SYT1: variants seen among roughly 807,000 people sequenced by gnomAD.
SYT1 encodes the protein synaptotagmin-1.
Under a neutral mutation model 44.8 loss-of-function variants are expected in SYT1, and 8 were observed. That is an observed-to-expected ratio of 0.18 (90% CI 0.10 to 0.32). The LOEUF (loss-of-function observed/expected upper bound fraction) is 0.32, where lower values mean the gene tolerates loss of function less well. Among genes scored for constraint, SYT1 ranks in the 10% least tolerant of loss-of-function variants. The pLI is 1.00. For synonymous variants in SYT1, 154 were observed against 188.8 expected (o/e 0.82, Z 1.51); for missense variants, 286 against 509.3 (o/e 0.56, Z 4.22).
chr12:79,388,665 C>T (rs948808801), intron 9 of SYT1, among the ~76,000 whole-genome samples: 11 of 152,090 alleles, frequency 7.2e-5, no homozygotes, highest in Non-Finnish European at 1.2e-4. Flanking sequence ...GAGCCAGGAT[C>T]GTACCACTGC....
At chr12:79,012,498 T>G (rs577015409) in intron 2 of SYT1, among the ~76,000 whole-genome samples, 2 of 152,298 alleles carry the variant, frequency 1.3e-5, no homozygotes, top group South Asian at 4.1e-4. Flanking sequence ...GGCAAACACT[T>G]CTTTGTTCAC....
chr12:79,078,540 T>G (rs919905802), intron 3 of SYT1, among the ~76,000 whole-genome samples: 4 of 152,144 alleles, frequency 2.6e-5, no homozygotes, highest in African/African-American at 9.7e-5. Context: ...GTTTTTTTCT[T>G]CAACTTTTAA....
intron 9 of SYT1, among the ~76,000 whole-genome samples, chr12:79,401,741 C>G (rs995951803): frequency 4.0e-5 from 6 of 151,038 alleles, no homozygotes; most frequent in African/African-American, 1.5e-4. Flanking sequence ...ACAGTCATAG[C>G]TCACTGTAGC....
chr12:78,883,865 T>C (rs1874593515), intron 1 of SYT1, among the ~76,000 whole-genome samples: 1 of 151,796 alleles, frequency 6.6e-6, no homozygotes, highest in South Asian at 2.1e-4. Flanking sequence ...TGTAAATATA[T>C]TCAATGTATA....
At chr12:78,881,436 G>A (rs113073277) in intron 1 of SYT1, among the ~76,000 whole-genome samples, 18 of 151,646 alleles carry the variant, frequency 1.2e-4, no homozygotes, top group Non-Finnish European at 1.9e-4. Flanking sequence ...TTTTGAACTC[G>A]CTGGGTTTAA....
At chr12:79,052,059 G>T (rs1461544003) in intron 3 of SYT1, among the ~76,000 whole-genome samples, 1 of 152,056 alleles carries the variant, frequency 6.6e-6, no homozygotes, top group Non-Finnish European at 1.5e-5. Context: ...TTCCAATTCT[G>T]TGAAGAAAGT....
At chr12:79,201,315 A>T (rs1336388169) in intron 3 of SYT1, among the ~76,000 whole-genome samples, 1 of 152,176 alleles carries the variant, frequency 6.6e-6, no homozygotes, top group African/African-American at 2.4e-5. Flanking sequence ...AGCAGCTATG[A>T]TTTTATTTAA....
chr12:79,145,233 ATATAT>A (rs1212795345), intron 3 of SYT1, among the ~76,000 whole-genome samples: 3 of 152,258 alleles, frequency 2.0e-5, no homozygotes, highest in East Asian at 1.9e-4. Flanking sequence ...ATGCTTAATA[ATATAT>A]TATCTAATTT....
chr12:79,209,569 G>A (rs1301680652), intron 3 of SYT1, among the ~76,000 whole-genome samples: 1 of 152,204 alleles, frequency 6.6e-6, no homozygotes, highest in Non-Finnish European at 1.5e-5. Flanking sequence ...TTGTGTGAAG[G>A]CCATTCCTGG....
chr12:78,892,226 A>G (rs1290573083), intron 1 of SYT1, among the ~76,000 whole-genome samples: 1 of 151,692 alleles, frequency 6.6e-6, no homozygotes, highest in Admixed American at 6.6e-5. Flanking sequence ...TGGATTCACT[A>G]ATATGGAAAA....
chr12:79,266,912 T>C (rs537748112), intron 4 of SYT1, among the ~76,000 whole-genome samples: 33 of 152,274 alleles, frequency 2.2e-4, no homozygotes, highest in African/African-American at 7.7e-4. Flanking sequence ...CCTGTCACTT[T>C]GTATAGTAAT....
intron 8 of SYT1, among the ~76,000 whole-genome samples, chr12:79,338,504 C>T (rs1223511338): frequency 1.3e-5 from 2 of 151,866 alleles, no homozygotes; most frequent in Admixed American, 1.3e-4. Context: ...AACTCCTGAG[C>T]TCAAGTGATC....
chr12:79,419,146 T>C (rs1272794944), intron 9 of SYT1: 1 of 386,582 alleles, frequency 2.6e-6, no homozygotes, highest in African/African-American at 2.2e-5. Context: ...GTTTTGCCTT[T>C]TCTCTATGTA....
In SYT1 at chr12:79,293,156, C is replaced by CA. The variant is rs746607482; in HGVS notation, c.474+1044dup. ...TGAAACCCTGTCTCTACAAAAAATA[C>CA]AAAAAAAAAAAAAAAAAATTAGCTG... On this transcript the variant is annotated intron_variant, in intron 6 of 10. Transcript: ENST00000261205. Among the ~76,000 whole-genome samples the CA allele has an allele frequency of 4.8e-3, 517 of 107,306 alleles. 7 individuals carry two copies. Among genetic ancestry groups the CA allele is most frequent in the East Asian group, 0.014 (58 of 4,228 alleles). The allele number at this position is 107,306 out of a possible 152,430, so 70.4% of individuals were successfully genotyped here.
chr12:78,949,387 A>G (rs1371638784), intron 1 of SYT1, among the ~76,000 whole-genome samples: 1 of 151,864 alleles, frequency 6.6e-6, no homozygotes, highest in Non-Finnish European at 1.5e-5. Flanking sequence ...TGTGCAGGTC[A>G]ATGATAACGA....
intron 3 of SYT1, among the ~76,000 whole-genome samples, chr12:79,133,278 G>C (rs889103332): frequency 6.6e-6 from 1 of 152,118 alleles, no homozygotes; most frequent in Non-Finnish European, 1.5e-5. Flanking sequence ...CTGCACTTTG[G>C]GAGGCCGAGG....
rs893615145 is a variant in SYT1 at position 79,261,672 on chromosome 12, G to T, written c.167-24115G>T. 5.3e-5 allele frequency among the ~76,000 whole-genome samples: 8 copies of T among 152,226 alleles called. 1 individual carries two copies. The South Asian group carries it at 1.7e-3, about 32-fold the overall frequency. On this transcript the variant is annotated intron_variant, in intron 4 of 10. Coordinates refer to ENST00000261205, the MANE Select transcript of SYT1 (RefSeq NM_005639.3). ...ATATATATTTCTTATTATTTAAAAT[G>T]GGAAAGGGCATTAGCATTTATTAAA...
chr12:78,884,122 C>T (rs748275288), intron 1 of SYT1, among the ~76,000 whole-genome samples: 3 of 151,524 alleles, frequency 2.0e-5, no homozygotes, highest in Admixed American at 6.6e-5. Flanking sequence ...TATTCTCTAA[C>T]AGAAATATTT....
chr12:78,881,227 G>A (rs1874436957), intron 1 of SYT1, among the ~76,000 whole-genome samples: 1 of 151,502 alleles, frequency 6.6e-6, no homozygotes, highest in South Asian at 2.1e-4. Context: ...CCCTCTCCAT[G>A]AACAACTGCT....
Sources: allele counts gnomAD v4.1 joint callset (sites outside exome capture counted in the v4.1 genomes callset), GRCh38; gene constraint gnomAD v4.1.1; transcripts MANE v1.5; gene names NCBI Gene and HGNC (gene_info 2026-07-23, HGNC 2026-07-21).